The following DLG2 variants were observed in gnomAD, a reference collection of about 807,000 sequenced individuals.
The protein encoded by DLG2 is discs large MAGUK scaffold protein 2.
In DLG2, 45 loss-of-function variants were observed where a neutral mutation model predicts 132.5. The observed-to-expected ratio is 0.34, with a 90% CI of 0.27 to 0.44. The LOEUF is 0.44. Ranked by LOEUF, DLG2 falls within the 20% of genes least tolerant of loss-of-function variation. The pLI is 1.00. For missense variants in DLG2, 1,045 were observed against 1,196.9 expected (o/e 0.87, Z 1.87); for synonymous variants, 424 against 419.6 (o/e 1.01, Z -0.13).
chr11:85,298,089 A>G (rs923041486), intron 3 of DLG2, among the ~76,000 whole-genome samples: 4 of 152,124 alleles, frequency 2.6e-5, no homozygotes, highest in African/African-American at 7.2e-5. Context: ...TGAGGAGGGT[A>G]TCTGTGCTGG....
At chr11:83,628,643 T>A (rs2063033051) in intron 19 of DLG2, among the ~76,000 whole-genome samples, 1 of 152,196 alleles carries the variant, frequency 6.6e-6, no homozygotes, top group Non-Finnish European at 1.5e-5. Context: ...TGACAAATAC[T>A]TCCCTCTATT....
chr11:84,596,220 T>TC (rs1565407106), intron 6 of DLG2, among the ~76,000 whole-genome samples: 5 of 119,364 alleles, frequency 4.2e-5, no homozygotes, highest in African/African-American at 1.4e-4. Context: ...CTCTCTCTCT[T>TC]TCTCTTGACG....
intron 3 of DLG2, among the ~76,000 whole-genome samples, chr11:85,288,782 A>T (rs1317177361): frequency 1.3e-5 from 2 of 152,178 alleles, no homozygotes; most frequent in Non-Finnish European, 2.9e-5. Context: ...GTAGATAGTA[A>T]AATTTCAAGA....
At chr11:83,649,395 T>A (rs1026670766) in intron 18 of DLG2, among the ~76,000 whole-genome samples, 1 of 152,170 alleles carries the variant, frequency 6.6e-6, no homozygotes, top group African/African-American at 2.4e-5. Context: ...AGGAAAGTGA[T>A]CTTGAAATCA....
At chr11:83,586,139 G>T (rs993902989) in intron 19 of DLG2, among the ~76,000 whole-genome samples, 3 of 152,222 alleles carry the variant, frequency 2.0e-5, no homozygotes, top group African/African-American at 7.2e-5. Flanking sequence ...TAGAGAATCT[G>T]GATGGATGCA....
chr11:83,643,039 T>C (rs918456439), intron 18 of DLG2, among the ~76,000 whole-genome samples: 1 of 152,194 alleles, frequency 6.6e-6, no homozygotes, highest in South Asian at 2.1e-4. Context: ...GAGACATCAC[T>C]GATTTCCTGC....
At chr11:85,622,319 T>C (rs905585834) in intron 2 of DLG2, among the ~76,000 whole-genome samples, 8 of 152,096 alleles carry the variant, frequency 5.3e-5, no homozygotes, top group African/African-American at 1.4e-4. Flanking sequence ...AAAACCAGAA[T>C]ATTTGTGTAG....
At position 85,012,345 on chromosome 11, in the gene DLG2, T is replaced by A. The variant is rs12288246; in HGVS notation, c.357+99316A>T. Among the ~76,000 whole-genome samples, 100 of 20,560 alleles carry A rather than the reference T, an allele frequency of 4.9e-3. 17 individuals are homozygous for A. The highest frequency in any genetic ancestry group is 0.011 in the African/African-American group (16 of 1,392). 13.5% of individuals were successfully genotyped at this position (20,560 alleles called of 152,430 possible). ...ATCGAGACCATCCTGGCTAACACGGTGAAACCCCATTTCTACTAAAAATAC... is the reference window on the plus strand; with the variant it reads ...ATCGAGACCATCCTGGCTAACACGGAGAAACCCCATTTCTACTAAAAATAC... On this transcript the variant is annotated intron_variant, in intron 6 of 27. Coordinates refer to ENST00000376104, the MANE Select transcript of DLG2 (RefSeq NM_001142699.3).
intron 13 of DLG2, 63 bp downstream of exon 13, chr11:83,965,261 A>T (rs1275848558): frequency 2.6e-6 from 4 of 1,509,902 alleles, no homozygotes; most frequent in Non-Finnish European, 3.6e-6. Flanking sequence ...CTTTGTCAAC[A>T]GTTTTATAGA....
intron 19 of DLG2, among the ~76,000 whole-genome samples, chr11:83,624,949 GT>G (rs2062241761): frequency 6.6e-6 from 1 of 152,072 alleles, no homozygotes. Context: ...TCCCCTCCCA[GT>G]TACCTTTGCC....
intron 9 of DLG2, among the ~76,000 whole-genome samples, chr11:84,101,538 A>C (rs894648986): frequency 6.6e-6 from 1 of 151,938 alleles, no homozygotes; most frequent in African/African-American, 2.4e-5. Flanking sequence ...AGCAAAAAAA[A>C]GCAATAATAC....
chr11:83,953,812 T>C (rs375585821), intron 14 of DLG2, among the ~76,000 whole-genome samples: 2 of 152,170 alleles, frequency 1.3e-5, no homozygotes. Context: ...AAGCTTCACA[T>C]TGTGTTCATG....
chr11:83,648,753 G>A (rs2069064549), intron 18 of DLG2, among the ~76,000 whole-genome samples: 1 of 152,122 alleles, frequency 6.6e-6, no homozygotes, highest in Non-Finnish European at 1.5e-5. Context: ...ACAAAATGAA[G>A]CTGCTTCTCT....
chr11:84,544,018 T>C (rs1041086199), intron 6 of DLG2, among the ~76,000 whole-genome samples: 1 of 152,198 alleles, frequency 6.6e-6, no homozygotes, highest in East Asian at 1.9e-4. Flanking sequence ...GGATGCTTCA[T>C]GAATATTTAA....
chr11:83,731,927 T>C (rs1464684754), intron 18 of DLG2, among the ~76,000 whole-genome samples: 1 of 152,230 alleles, frequency 6.6e-6, no homozygotes, highest in Non-Finnish European at 1.5e-5. Context: ...AAGCACTTAG[T>C]ACAGCATTTG....
At chr11:85,592,228 A>G (rs774320418) in intron 3 of DLG2, among the ~76,000 whole-genome samples, 32 of 152,244 alleles carry the variant, frequency 2.1e-4, no homozygotes, top group Non-Finnish European at 4.4e-4. Flanking sequence ...AAATAAGTAA[A>G]CACTTCATAA....
At chr11:85,289,255 G>A (rs2078744750) in intron 3 of DLG2, among the ~76,000 whole-genome samples, 1 of 151,906 alleles carries the variant, frequency 6.6e-6, no homozygotes, top group South Asian at 2.1e-4. Context: ...CACTTTCCAA[G>A]CATCTCTCTT....
chr11:84,695,762 T>C (rs2058552312), intron 6 of DLG2, among the ~76,000 whole-genome samples: 1 of 151,546 alleles, frequency 6.6e-6, no homozygotes, highest in African/African-American at 2.4e-5. Flanking sequence ...GTAAGAGAGA[T>C]CAACACATAT....
At chr11:85,414,215 A>G (rs1428405207) in intron 3 of DLG2, among the ~76,000 whole-genome samples, 1 of 152,070 alleles carries the variant, frequency 6.6e-6, no homozygotes, top group Non-Finnish European at 1.5e-5. Flanking sequence ...TTGTTGGTGT[A>G]TAAAAGAGCT....
Sources: gnomAD v4.1 joint callset for allele counts (sites outside exome capture counted in the v4.1 genomes callset) on GRCh38, gnomAD v4.1.1 for gene constraint, MANE v1.5 for transcripts, NCBI Gene and HGNC (gene_info 2026-07-23, HGNC 2026-07-21) for gene names.